The following PTPRN2 variants were observed in gnomAD, a reference collection of about 807,000 sequenced individuals.
PTPRN2 encodes the protein receptor-type tyrosine-protein phosphatase N2.
In PTPRN2, 74 loss-of-function variants were observed where a neutral mutation model predicts 118.8. The ratio of observed to expected loss-of-function variants is 0.62; its 90% CI spans 0.52 to 0.76. The LOEUF is 0.76. PTPRN2 is among the 30% of genes least tolerant of loss of function. The pLI, the probability that PTPRN2 is intolerant of heterozygous loss-of-function variation, is 0.00. For missense variants in PTPRN2, 1,481 were observed against 1,394.4 expected (o/e 1.06, Z -0.99); for synonymous variants, 641 against 608.0 (o/e 1.05, Z -0.80).
intron 6 of PTPRN2, among the ~76,000 whole-genome samples, chr7:158,149,930 A>T (rs986614150): frequency 4.6e-5 from 7 of 152,152 alleles, no homozygotes; most frequent in Admixed American, 1.3e-4. Flanking sequence ...TTAATATAAA[A>T]TAAATAAAAC....
At chr7:158,036,165 G>A (rs28699487) in intron 11 of PTPRN2, among the ~76,000 whole-genome samples, 77,296 of 151,964 alleles carry the variant, frequency 0.51, 20,520 homozygotes, top group African/African-American at 0.61. Context: ...TAACATATAC[G>A]GAGATATGCA....
intron 6 of PTPRN2, among the ~76,000 whole-genome samples, chr7:158,164,189 C>T (rs1377820222): frequency 2.6e-5 from 4 of 151,206 alleles, no homozygotes; most frequent in Admixed American, 6.6e-5. Context: ...TGAAGCTCCC[C>T]GGTGCATAAG....
rs748204563 is a variant in PTPRN2, at chr7:157,540,684, G to A, written c.*30C>T. ...ATTCCTGACAACATCCGTGGGGTGG[G>A]GGCTCCCCTGAGGCCCCTGAGGCTG... On this transcript the variant is annotated 3_prime_UTR_variant, in exon 23 of 23. Transcript: ENST00000389418. 1.8e-5 allele frequency: 27 copies of A among 1,498,848 alleles called. 1 individual carries two copies. In the South Asian group the frequency reaches 3.3e-4, roughly 18 times the overall value. The allele number at this position is 1,498,848 out of a possible 1,614,324, so 92.8% of individuals were successfully genotyped here. A position where few individuals can be genotyped will look rare whatever the true frequency, so the allele number is the denominator to read the frequency against.
chr7:157,937,085 G>A (rs140548495), intron 11 of PTPRN2, among the ~76,000 whole-genome samples: 7 of 152,322 alleles, frequency 4.6e-5, no homozygotes, highest in African/African-American at 7.2e-5. Context: ...CTTGGCCTGG[G>A]CCACCTTCTC....
chr7:158,176,062 A>G (rs943814825), intron 5 of PTPRN2, among the ~76,000 whole-genome samples: 3 of 151,742 alleles, frequency 2.0e-5, no homozygotes, highest in African/African-American at 7.3e-5. Flanking sequence ...CACTGCTCTC[A>G]GCCCACCCTA....
intron 2 of PTPRN2, among the ~76,000 whole-genome samples, chr7:158,395,354 C>T (rs1812305474): frequency 3.2e-4 from 2 of 6,318 alleles, no homozygotes; most frequent in Non-Finnish European, 5.9e-4. Flanking sequence ...GGGCCAGGGG[C>T]CAGGGGCGAG....
Position 157,610,013 on chromosome 7 carries a change from G to A in PTPRN2, c.2345-5938C>T, listed in dbSNP as rs1262252144. Among the ~76,000 whole-genome samples, 3 of 152,224 alleles carry A rather than the reference G, an allele frequency of 2.0e-5. No individual in the cohort carries two copies. The highest frequency in any genetic ancestry group is 7.2e-5 in the African/African-American group (3 of 41,456). ...ACCCCACTGCATCTGAGGAAAGCGT[G>A]TGGAAGACTCCTCTGCCCGGAACAT... On this transcript the variant is annotated intron_variant, in intron 15 of 22. Transcript: ENST00000389418. This position sits in a 1 kb window ranked among gnomAD's most constrained non-coding sequence, Gnocchi z 5.1.
intron 1 of PTPRN2, among the ~76,000 whole-genome samples, chr7:158,542,892 T>C (rs909007724): frequency 2.0e-5 from 3 of 152,128 alleles, no homozygotes; most frequent in African/African-American, 7.2e-5. Context: ...TCAAAATGCC[T>C]GGACTTCTGA....
In PTPRN2 at chr7:157,598,104, G is replaced by T. The variant is rs886164654; in HGVS notation, c.2419-2789C>A. On this transcript the variant is annotated intron_variant, in intron 16 of 22. Transcript: ENST00000389418. This position sits in a 1 kb window ranked among gnomAD's most constrained non-coding sequence, Gnocchi z 5.2. The stretch of plus-strand genomic sequence containing the variant: ...GTTTTCGGGCAGGATAAGTGGCTGT[G>T]GAGGAAATCAAGTGAGTTTCTACTA... Among the ~76,000 whole-genome samples, 3 of 152,178 alleles carry T rather than the reference G, an allele frequency of 2.0e-5. No individual in the cohort carries two copies. Among genetic ancestry groups the T allele is most frequent in the African/African-American group, 7.2e-5 (3 of 41,442 alleles).
In PTPRN2 at chr7:157,764,584, G is replaced by A. The variant is rs1802335965; in HGVS notation, c.1789-81647C>T. Among the ~76,000 whole-genome samples the A allele has an allele frequency of 6.6e-6, 1 of 152,156 alleles. No homozygotes were observed. Among genetic ancestry groups the A allele is most frequent in the Non-Finnish European group, 1.5e-5 (1 of 68,032 alleles). Reference sequence around the variant, plus strand: ...GGGTCCTGGGGGCTGGGGAGTTAGTGTTTAATGGGGACAGACTTCCAGTGT... The same window carrying A: ...GGGTCCTGGGGGCTGGGGAGTTAGTATTTAATGGGGACAGACTTCCAGTGT... On this transcript the variant is annotated intron_variant, in intron 12 of 22. Transcript: ENST00000389418. The surrounding 1 kb of genome is among the most constrained non-coding windows in gnomAD (Gnocchi z 4.5).
intron 13 of PTPRN2, among the ~76,000 whole-genome samples, chr7:157,665,005 C>T (rs2150764578): frequency 6.6e-6 from 1 of 152,332 alleles, no homozygotes; most frequent in East Asian, 1.9e-4. Flanking sequence ...GCCACACGAG[C>T]CTGCTGAAGG....
chr7:158,207,699 C>T (rs935466293), intron 3 of PTPRN2, among the ~76,000 whole-genome samples: 1 of 152,116 alleles, frequency 6.6e-6, no homozygotes, highest in African/African-American at 2.4e-5. Flanking sequence ...GAGATTTTAG[C>T]GACTACAATA....
rs140237432 is a variant in PTPRN2 at position 157,987,708 on chromosome 7, C to T, written c.1724-88971G>A. On this transcript the variant is annotated intron_variant, in intron 11 of 22. Coordinates refer to ENST00000389418, the MANE Select transcript of PTPRN2 (RefSeq NM_002847.5). This position sits in a 1 kb window ranked among gnomAD's most constrained non-coding sequence, Gnocchi z 4.3. ...TATCAGTCTTTCTCTAGAGATGGGG[C>T]AGTTATTATGCAGTGTGGGATCCAC... Among the ~76,000 whole-genome samples, 502 of 152,246 alleles carry T rather than the reference C, an allele frequency of 3.3e-3. 2 individuals are homozygous for T. Among genetic ancestry groups the T allele is most frequent in the African/African-American group, 0.011 (477 of 41,530 alleles).
At position 157,763,303 on chromosome 7, in the gene PTPRN2, C is replaced by T. The variant is rs1802257267; in HGVS notation, c.1789-80366G>A. On this transcript the variant is annotated intron_variant, in intron 12 of 22. Coordinates refer to ENST00000389418, the MANE Select transcript of PTPRN2 (RefSeq NM_002847.5). The surrounding 1 kb of genome is among the most constrained non-coding windows in gnomAD (Gnocchi z 4.9). ...GATGTGCCCTCCTCATTTTTCTCTCCCTTCCCTTTTCCAACAAAAGCTCAG... is the reference window on the plus strand; with the variant it reads ...GATGTGCCCTCCTCATTTTTCTCTCTCTTCCCTTTTCCAACAAAAGCTCAG... 6.6e-6 allele frequency among the ~76,000 whole-genome samples: 1 copy of T among 152,204 alleles called. No homozygotes were observed. Among genetic ancestry groups the T allele is most frequent in the South Asian group, 2.1e-4 (1 of 4,832 alleles).
chr7:158,500,428 A>T (rs1822276397), intron 1 of PTPRN2, among the ~76,000 whole-genome samples: 1 of 152,214 alleles, frequency 6.6e-6, no homozygotes, highest in Non-Finnish European at 1.5e-5. Context: ...AAAGAAGAAA[A>T]ACTACTTAAA....
chr7:157,872,555 G>A (rs193165324), intron 12 of PTPRN2, among the ~76,000 whole-genome samples: 254 of 152,244 alleles, frequency 1.7e-3, no homozygotes, highest in Non-Finnish European at 3.1e-3. Context: ...GCCTTCCCAC[G>A]CTATGTCCTC....
chr7:157,932,209 TGA>T (rs1799401239), intron 11 of PTPRN2, among the ~76,000 whole-genome samples: 1 of 152,230 alleles, frequency 6.6e-6, no homozygotes, highest in Non-Finnish European at 1.5e-5. Context: ...TCCTACATAA[TGA>T]GAGTACAGTT....
At chr7:158,309,637 A>G (rs1801549912) in intron 3 of PTPRN2, among the ~76,000 whole-genome samples, 1 of 152,242 alleles carries the variant, frequency 6.6e-6, no homozygotes, top group South Asian at 2.1e-4. Context: ...AAATACGGAC[A>G]TAAAAATTCT....
intron 3 of PTPRN2, among the ~76,000 whole-genome samples, chr7:158,249,390 T>A (rs1384379378): frequency 8.4e-6 from 1 of 119,366 alleles, no homozygotes; most frequent in Non-Finnish European, 1.7e-5. Flanking sequence ...TACACATATC[T>A]ACCACACCTG....
Sources: allele counts gnomAD v4.1 joint callset (sites outside exome capture counted in the v4.1 genomes callset), GRCh38; gene constraint gnomAD v4.1.1; non-coding constraint Gnocchi (gnomAD v3.1); transcripts MANE v1.5; gene names NCBI Gene and HGNC (gene_info 2026-07-23, HGNC 2026-07-21).